DOCK7: variants seen among roughly 807,000 people sequenced by gnomAD.
DOCK7 encodes the protein dedicator of cytokinesis protein 7.
Under a neutral mutation model 271.0 loss-of-function variants are expected in DOCK7, and 138 were observed. The ratio of observed to expected loss-of-function variants is 0.51; its 90% CI spans 0.44 to 0.59. The LOEUF is 0.59. DOCK7 is among the 20% of genes least tolerant of loss of function. The pLI, the probability that DOCK7 is intolerant of heterozygous loss-of-function variation, is 0.00. For synonymous variants in DOCK7, 823 were observed against 876.1 expected (o/e 0.94, Z 1.07); for missense variants, 2,066 against 2,592.4 (o/e 0.80, Z 4.41).
intron 14 of DOCK7, among the ~76,000 whole-genome samples, chr1:62,611,103 T>C (rs1651729856): frequency 6.6e-6 from 1 of 152,218 alleles, no homozygotes; most frequent in African/African-American, 2.4e-5. Flanking sequence ...ATTATAGACA[T>C]CTCAAAATAT....
intron 1 of DOCK7, among the ~76,000 whole-genome samples, chr1:62,682,362 G>A (rs1661265722): frequency 6.6e-6 from 1 of 152,186 alleles, no homozygotes; most frequent in Admixed American, 6.5e-5. Context: ...TCACCTAGAA[G>A]TGAAATAATA....
At chr1:62,664,630 G>A (rs1250520013) in intron 1 of DOCK7, among the ~76,000 whole-genome samples, 2 of 152,064 alleles carry the variant, frequency 1.3e-5, no homozygotes, top group African/African-American at 2.4e-5. Flanking sequence ...CATCAATATT[G>A]GCTCATCAAT....
At chr1:62,620,193 C>T (rs1325166251) in intron 12 of DOCK7, among the ~76,000 whole-genome samples, 200 bp from the exon 13 acceptor site, 1 of 151,760 alleles carries the variant, frequency 6.6e-6, no homozygotes, top group Admixed American at 6.6e-5. Flanking sequence ...CATGGTGGCA[C>T]GTGTCTGTAG....
rs182267560 is a variant in DOCK7 at position 62,540,183 on chromosome 1, T to C, written c.3046-291A>G. On this transcript the variant is annotated intron_variant, in intron 25 of 49. Transcript: ENST00000635253. The stretch of plus-strand genomic sequence containing the variant: ...TCAACCTTTAAATTTTTTTTTTTTT[T>C]CCAATAAAAAAACAGGGTCTCACTC... 5.8e-3 allele frequency among the ~76,000 whole-genome samples: 882 copies of C among 151,574 alleles called. 8 individuals are homozygous for C. Among genetic ancestry groups the C allele is most frequent in the African/African-American group, 0.02 (821 of 41,276 alleles).
At chr1:62,476,554 C>T (rs1365887164) in intron 44 of DOCK7, among the ~76,000 whole-genome samples, 2 of 151,984 alleles carry the variant, frequency 1.3e-5, no homozygotes, top group East Asian at 1.9e-4. Context: ...TTCTTAGAGA[C>T]CATGGGTTAA....
intron 49 of DOCK7, among the ~76,000 whole-genome samples, chr1:62,456,375 C>T (rs1781200): frequency 0.96 from 146,849 of 152,232 alleles, 71,073 homozygotes; most frequent in Middle Eastern, 1. Context: ...ACATATTTTC[C>T]ATTATCAGTT....
chr1:62,680,758 T>A (rs1393910826), intron 1 of DOCK7, among the ~76,000 whole-genome samples: 2 of 151,620 alleles, frequency 1.3e-5, no homozygotes, highest in African/African-American at 4.9e-5. Context: ...AGAAGACATT[T>A]ATGCAGCCAA....
intron 14 of DOCK7, among the ~76,000 whole-genome samples, chr1:62,600,787 A>G (rs1649997532): frequency 2.0e-5 from 3 of 151,976 alleles, no homozygotes; most frequent in African/African-American, 7.2e-5. Context: ...ATAAAAGAAT[A>G]CATTACAATA....
chr1:62,627,616 A>C (rs997904741), intron 11 of DOCK7: 14 of 152,182 alleles, frequency 9.2e-5, no homozygotes, highest in African/African-American at 3.4e-4. Context: ...TAAAGACAGA[A>C]TTAAGAAAAC....
chr1:62,670,677 TCTAA>T (rs1659880253), intron 1 of DOCK7, among the ~76,000 whole-genome samples: 1 of 151,988 alleles, frequency 6.6e-6, no homozygotes, highest in African/African-American at 2.4e-5. Flanking sequence ...AAACTCTGTA[TCTAA>T]CTAATCTGAT....
At chr1:62,483,209 T>TTTTTTTTTTCG (rs1217235928) in intron 43 of DOCK7, 1 of 74,400 alleles carries the variant, frequency 1.3e-5, no homozygotes, top group Non-Finnish European at 2.8e-5. Flanking sequence ...TTTTTTTTTT[T>TTTTTTTTTTCG]TTGGGTAGAG....
intron 48 of DOCK7, among the ~76,000 whole-genome samples, chr1:62,470,430 A>AGGGATGAGGGATAAAAGACT (rs898405890): frequency 1.3e-5 from 2 of 152,142 alleles, no homozygotes; most frequent in Admixed American, 6.6e-5. Context: ...AAGGGTGGGA[A>AGGGATGAGGGATAAAAGACT]GGGATGAGGG....
intron 31 of DOCK7, among the ~76,000 whole-genome samples, chr1:62,527,575 G>A (rs372687830): frequency 7.3e-4 from 111 of 152,174 alleles, no homozygotes; most frequent in African/African-American, 2.5e-3. Context: ...GGACATGGAC[G>A]TAGGGACATG....
chr1:62,495,567 C>G lies in DOCK7; in HGVS notation c.5024+14G>C. ...TCCCTTATACAAAGCATAAATGAAT[C>G]AAATAAATGCTACCTGTACATTAGA... On this transcript the variant is annotated intron_variant, in intron 39 of 49. Transcript: ENST00000635253. The G allele has an allele frequency of 6.5e-7, 1 of 1,529,364 alleles. No homozygotes were observed. The highest frequency in any genetic ancestry group is 1.3e-5 in the South Asian group (1 of 77,088). 94.7% of individuals were successfully genotyped at this position (1,529,364 alleles called of 1,614,324 possible).
chr1:62,607,687 A>G (rs967755301), intron 14 of DOCK7: 23 of 152,348 alleles, frequency 1.5e-4, no homozygotes, highest in African/African-American at 5.3e-4. Context: ...GGATAAAATA[A>G]CTTACTATAT....
intron 1 of DOCK7, among the ~76,000 whole-genome samples, chr1:62,683,146 G>C (rs1156544891): frequency 2.0e-5 from 3 of 152,166 alleles, no homozygotes; most frequent in Non-Finnish European, 4.4e-5. Flanking sequence ...AAGACATAAA[G>C]ATCAACTCTG....
intron 15 of DOCK7, among the ~76,000 whole-genome samples, chr1:62,585,061 T>C (rs1407843172): frequency 6.6e-6 from 1 of 152,182 alleles, no homozygotes; most frequent in Non-Finnish European, 1.5e-5. Flanking sequence ...TCATAGTACA[T>C]TCATTCCTTC....
rs764157989 is a variant in DOCK7, at chr1:62,688,293, G to A, written c.-29C>T. 1.4e-5 allele frequency: 17 copies of A among 1,240,380 alleles called. No individual in the cohort carries two copies. The East Asian group carries it at 3.9e-4, about 29-fold the overall frequency. The allele number at this position is 1,240,380 out of a possible 1,614,324, so 76.8% of individuals were successfully genotyped here. A position where few individuals can be genotyped will look rare whatever the true frequency, so the allele number is the denominator to read the frequency against. On this transcript the variant is annotated 5_prime_UTR_variant, in exon 1 of 50. Transcript: ENST00000635253. ...TGCTGCGGCGACGGCGACGGCGGCGGCGGCTGCGGCGGGCCGGGTGCGGAC... is the reference window on the plus strand; with the variant it reads ...TGCTGCGGCGACGGCGACGGCGGCGACGGCTGCGGCGGGCCGGGTGCGGAC...
In DOCK7 at chr1:62,537,974, G is replaced by T; in HGVS notation, c.3388C>A (p.His1130Asn). 6.2e-7 allele frequency: 1 copy of T among 1,614,040 alleles called. No homozygotes were observed. ...CAGGGTAAGTTTAATGTAACATAGT[G>T]CTCATGACTGCAGATGATTCGTAGA... The part of the protein sequence containing the change: ...DFLRIICSHE[H>N]YVTLNLPCSL... The change falls in exon 28 of 50, where the codon CAC (histidine) becomes AAC (asparagine). Residue 1130 changes from histidine to asparagine, a missense_variant. His to Asn is a moderately conservative substitution (Grantham distance 68). Around this residue, in one of 2 missense-constraint regions of DOCK7, gnomAD observed 1,414 missense variants for 1,670.4 expected, o/e 0.85. Coordinates refer to ENST00000635253, the MANE Select transcript of DOCK7 (RefSeq NM_001367561.1).
Sources: gnomAD v4.1 joint callset for allele counts (sites outside exome capture counted in the v4.1 genomes callset) on GRCh38, gnomAD v4.1.1 for gene constraint, gnomAD v4.1.1 regional missense constraint, MANE v1.5 for transcripts, NCBI Gene and HGNC (gene_info 2026-07-23, HGNC 2026-07-21) for gene names.